The following EVPL variants were observed in gnomAD, a reference collection of about 807,000 sequenced individuals.
EVPL encodes the protein 210 kDa cornified envelope precursor protein.
In EVPL, 94 loss-of-function variants were observed where a neutral mutation model predicts 129.7. The observed-to-expected ratio is 0.72, with a 90% CI of 0.61 to 0.86. The LOEUF (loss-of-function observed/expected upper bound fraction) is 0.86, where lower values mean the gene tolerates loss of function less well. Ranked by LOEUF, EVPL falls within the 40% of genes least tolerant of loss-of-function variation. The probability of loss-of-function intolerance (pLI) is 0.00; values close to 1 mark genes in which losing one functional copy is unlikely to be tolerated. For missense variants in EVPL, 2,625 were observed against 2,721.1 expected (o/e 0.96, Z 0.79); for synonymous variants, 1,172 against 1,191.1 (o/e 0.98, Z 0.33).
In EVPL at chr17:76,018,359, G is replaced by C. The variant is rs1169015640; in HGVS notation, c.1439+87C>G. 2.0e-6 allele frequency: 3 copies of C among 1,521,816 alleles called. No homozygotes were observed. The African/African-American group carries it at 4.2e-5, about 21-fold the overall frequency. 94.3% of individuals were successfully genotyped at this position (1,521,816 alleles called of 1,614,324 possible). A position where few individuals can be genotyped will look rare whatever the true frequency, so the allele number is the denominator to read the frequency against. On this transcript the variant is annotated intron_variant, in intron 12 of 21. Transcript: ENST00000301607. ...TCAGGTGAAGGCCAGCCTTTGAGCA[G>C]GGGTCTGTTGGGCCATGGGCTTGGA... is the stretch of plus-strand genomic sequence containing the variant.
rs2066337582 is a variant in EVPL, at chr17:76,008,178, T to C, written c.5027A>G (p.Gln1676Arg). The change falls in exon 22 of 22, where the codon CAG becomes CGG. Residue 1676 changes from glutamine (Q) to arginine (R), a missense_variant. This residue lies in a region of EVPL where 1,453 missense variants were observed against 1,511.8 expected (regional missense o/e 0.96). Coordinates refer to ENST00000301607, the MANE Select transcript of EVPL (RefSeq NM_001988.4). This position sits in a 1 kb window ranked among gnomAD's most constrained non-coding sequence, Gnocchi z 7.4. ...VSREELSQET[Q>R]TRETNLSTKI... Reference sequence around the variant, plus strand: ...GGTGGAAAGGTTGGTCTCTCGCGTCTGGGTCTCCTGGCTGAGCTCCTCCCG... The same window carrying C: ...GGTGGAAAGGTTGGTCTCTCGCGTCCGGGTCTCCTGGCTGAGCTCCTCCCG... The C allele has an allele frequency of 1.2e-6, 2 of 1,614,212 alleles. No individual in the cohort carries two copies. Among genetic ancestry groups the C allele is most frequent in the Admixed American group, 1.7e-5 (1 of 60,038 alleles).
At chr17:76,023,166 T>C (rs1310072408) in intron 4 of EVPL, 126 bp downstream of exon 4, 14 of 1,493,604 alleles carry the variant, frequency 9.4e-6, no homozygotes, top group Admixed American at 3.7e-5. Context: ...TACTCTGCTG[T>C]CTCTCTGCCC....
intron 1 of EVPL, among the ~76,000 whole-genome samples, chr17:76,025,610 G>A (rs1243107417): frequency 6.6e-6 from 1 of 152,180 alleles, no homozygotes; most frequent in Non-Finnish European, 1.5e-5. Context: ...GCCCCAGGGA[G>A]GACAGGTCAC....
chr17:76,011,789 C>T lies in EVPL; in HGVS notation c.2551G>A (p.Glu851Lys). The T allele has an allele frequency of 6.2e-7, 1 of 1,612,498 alleles. No homozygotes were observed. Among genetic ancestry groups the T allele is most frequent in the Non-Finnish European group, 8.5e-7 (1 of 1,179,356 alleles). The change falls in exon 20 of 22, where the codon GAG becomes AAG. Residue 851 changes from glutamate (E) to lysine (K), a missense_variant. Physicochemically the swap from Glu to Lys is moderately conservative, Grantham distance 56. Transcript: ENST00000301607. Reference protein sequence around the residue: ...PKRPRVAPLQESIQAQEKNLA... With the variant: ...PKRPRVAPLQKSIQAQEKNLA... ...CATCTCACCTGGGCTTGGATGCTCT[C>T]TTGCAGGGGAGCCACTCGGGGTCTC...
rs986109735 is a variant in EVPL at position 76,018,330 on chromosome 17, A to T, written c.1440-72T>A. ...CTCCCTCCCCAGCCCCAGTAGACGC[A>T]GCTTCAGGTGAAGGCCAGCCTTTGA... is the stretch of plus-strand genomic sequence containing the variant. On this transcript the variant is annotated intron_variant, in intron 12 of 21. Coordinates refer to ENST00000301607, the MANE Select transcript of EVPL (RefSeq NM_001988.4). The T allele has an allele frequency of 2.6e-6, 4 of 1,516,432 alleles. No homozygotes were observed. In the South Asian group the frequency reaches 3.7e-5, roughly 14 times the overall value. The allele number at this position is 1,516,432 out of a possible 1,614,324, so 93.9% of individuals were successfully genotyped here. A position where few individuals can be genotyped will look rare whatever the true frequency, so the allele number is the denominator to read the frequency against.
At position 76,007,359 on chromosome 17, in the gene EVPL, C is replaced by T. The variant is rs199665042; in HGVS notation, c.5846G>A (p.Arg1949Lys). ...CTGCTGGATGGGGATGCGGCCTGTCCTCTTGGGGTCGATGAGCCCCCCGGT... is the reference window on the plus strand; with the variant it reads ...CTGCTGGATGGGGATGCGGCCTGTCTTCTTGGGGTCGATGAGCCCCCCGGT... ...HLTGGLIDPK[R>K]TGRIPIQQAL... Residue 1949 changes from arginine to lysine, a missense_variant, in exon 22 of 22, where the codon AGG becomes AAG. Physicochemically the swap from Arg to Lys is conservative, Grantham distance 26. Around this residue, in one of 4 missense-constraint regions of EVPL, gnomAD observed 1,453 missense variants for 1,511.8 expected, o/e 0.96. Transcript: ENST00000301607. The surrounding 1 kb of genome is among the most constrained non-coding windows in gnomAD (Gnocchi z 8.8). 3.1e-5 allele frequency: 50 copies of T among 1,591,192 alleles called. No homozygotes were observed. Among genetic ancestry groups the T allele is most frequent in the Non-Finnish European group, 3.9e-5 (45 of 1,165,032 alleles).
At chr17:76,019,478 G>A in intron 10 of EVPL, 50 bp downstream of exon 10, 1 of 1,518,362 alleles carries the variant, frequency 6.6e-7, no homozygotes, top group Non-Finnish European at 8.8e-7. Flanking sequence ...AAAATGGACA[G>A]GACCAATTCC....
chr17:76,018,281 G>A, intron 12 of EVPL, 23 bp from the exon 13 acceptor site: 1 of 1,526,140 alleles, frequency 6.6e-7, no homozygotes, highest in Non-Finnish European at 8.8e-7. Flanking sequence ...GGAGATTGAA[G>A]AAAGAGGTCC....
intron 18 of EVPL, among the ~76,000 whole-genome samples, chr17:76,012,795 A>T (rs1159050571): frequency 2.2e-5 from 3 of 135,762 alleles, no homozygotes; most frequent in South Asian, 2.2e-4. Flanking sequence ...CCCAGGCTGG[A>T]GTGCAGTGGC....
rs2066505688 is a variant in EVPL, at chr17:76,027,305, G to T, written c.-107C>A. On this transcript the variant is annotated 5_prime_UTR_variant, in exon 1 of 22. Transcript: ENST00000301607. ...CTCACTGGCTGGTCAGCTAAGTCTG[G>T]CGAGGTGGGGCGGCTGGGCACTGGG... 3 of 809,486 alleles carry T rather than the reference G, an allele frequency of 3.7e-6. No individual in the cohort carries two copies. The highest frequency in any genetic ancestry group is 4.2e-6 in the Non-Finnish European group (2 of 475,294). The allele number at this position is 809,486 out of a possible 1,614,324, so 50.1% of individuals were successfully genotyped here.
chr17:76,014,143 G>A (rs780121059), intron 18 of EVPL, among the ~76,000 whole-genome samples: 2 of 152,200 alleles, frequency 1.3e-5, no homozygotes, highest in Non-Finnish European at 1.5e-5. Context: ...TTGTACCCCA[G>A]TGAACACATT....
chr17:76,009,744 C>G lies in EVPL; in HGVS notation c.3461G>C (p.Arg1154Thr). Residue 1154 changes from arginine (R) to threonine (T), a missense_variant, in exon 22 of 22, where the codon AGG (arginine) becomes ACG (threonine). Arg to Thr is a moderately conservative substitution (Grantham distance 71). Coordinates refer to ENST00000301607, the MANE Select transcript of EVPL (RefSeq NM_001988.4). The surrounding 1 kb of genome is among the most constrained non-coding windows in gnomAD (Gnocchi z 5.9). Reference protein sequence around the residue: ...QDPGLLQESSRLRSLLEEERT... With the variant: ...QDPGLLQESSTLRSLLEEERT... ...CTCCTCCTCGAGGAGGCTCCTCAGC[C>G]TGGAGGACTCCTGGAGGAGCCCTGG... 6.2e-7 allele frequency: 1 copy of G among 1,613,808 alleles called. No individual in the cohort carries two copies. Among genetic ancestry groups the G allele is most frequent in the African/African-American group, 1.3e-5 (1 of 75,050 alleles).
At position 76,015,311 on chromosome 17, in the gene EVPL, G is replaced by C. The variant is rs745815726; in HGVS notation, c.1944C>G (p.Ile648Met). The C allele has an allele frequency of 3.1e-6, 5 of 1,603,242 alleles. No homozygotes were observed. In the Admixed American group the frequency reaches 8.4e-5, roughly 27 times the overall value. ...ERQIQDADRV[I>M]RGFEATLVQE... Reference sequence around the variant, plus strand: ...GCACCAGGGTGGCCTCGAAGCCTCGGATGACCCTGTCCGCATCCTGGATCT... The same window carrying C: ...GCACCAGGGTGGCCTCGAAGCCTCGCATGACCCTGTCCGCATCCTGGATCT... The change falls in exon 16 of 22, where the codon ATC (isoleucine) becomes ATG (methionine). Residue 648 changes from isoleucine (I) to methionine (M), a missense_variant. Physicochemically the swap from Ile to Met is conservative, Grantham distance 10. Around this residue, in one of 4 missense-constraint regions of EVPL, gnomAD observed 1,024 missense variants for 997.5 expected, o/e 1.03. Coordinates refer to ENST00000301607, the MANE Select transcript of EVPL (RefSeq NM_001988.4).
At position 76,022,000 on chromosome 17, in the gene EVPL, A is replaced by G; in HGVS notation, c.674T>C (p.Leu225Pro). The change falls in exon 7 of 22, where the codon CTG (leucine) becomes CCG (proline). Residue 225 changes from leucine (L) to proline (P), a missense_variant. Leu to Pro is a moderately conservative substitution (Grantham distance 98). Around this residue, in one of 4 missense-constraint regions of EVPL, gnomAD observed 1,024 missense variants for 997.5 expected, o/e 1.03. Coordinates refer to ENST00000301607, the MANE Select transcript of EVPL (RefSeq NM_001988.4). ...LKAASWRGQS[L>P]GSLYTHLQGC... ...CTGGAGGTGCGTGTACAGGCTGCCC[A>G]GGCTCTGCCCGCGCCACGACGCCGC... The G allele has an allele frequency of 1.9e-6, 3 of 1,564,890 alleles. No individual in the cohort carries two copies. The highest frequency in any genetic ancestry group is 2.6e-6 in the Non-Finnish European group (3 of 1,162,986).
rs1334413860 is a variant in EVPL, at chr17:76,018,520, C to T, written c.1365G>A (p.Gly455=). The T allele has an allele frequency of 1.2e-6, 2 of 1,612,730 alleles. No individual in the cohort carries two copies. Among genetic ancestry groups the T allele is most frequent in the South Asian group, 2.2e-5 (2 of 91,046 alleles). ...PHAWVVQGPG[G]ETKRAPAACF... ...AGGCGGCGGGAGCACGCTTGGTCTC[C>T]CCGCCAGGGCCCTGCACGACCCAGG... Residue 455 remains glycine (G), a synonymous_variant, in exon 12 of 22, where the codon GGG becomes GGA. Coordinates refer to ENST00000301607, the MANE Select transcript of EVPL (RefSeq NM_001988.4).
In EVPL at chr17:76,017,721, T is replaced by C; in HGVS notation, c.1710+18A>G. On this transcript the variant is annotated intron_variant, in intron 14 of 21. Coordinates refer to ENST00000301607, the MANE Select transcript of EVPL (RefSeq NM_001988.4). ...GGCCGCTTCTCATCCCAGCCGCCCC[T>C]TCCCGCTGCTCACCCACCTCATGGC... 6.2e-7 allele frequency: 1 copy of C among 1,606,026 alleles called. No homozygotes were observed. The highest frequency in any genetic ancestry group is 2.2e-5 in the East Asian group (1 of 44,764).
chr17:76,008,094 T>C lies in EVPL; in HGVS notation c.5111A>G (p.Lys1704Arg). 6.2e-7 allele frequency: 1 copy of C among 1,614,086 alleles called. No individual in the cohort carries two copies. The highest frequency in any genetic ancestry group is 8.5e-7 in the Non-Finnish European group (1 of 1,180,004). The change falls in exon 22 of 22, where the codon AAG becomes AGG. Residue 1704 changes from lysine (K) to arginine (R), a missense_variant. Around this residue, in one of 4 missense-constraint regions of EVPL, gnomAD observed 1,453 missense variants for 1,511.8 expected, o/e 0.96. Coordinates refer to ENST00000301607, the MANE Select transcript of EVPL (RefSeq NM_001988.4). The surrounding 1 kb of genome is among the most constrained non-coding windows in gnomAD (Gnocchi z 7.4). ...CTGGCCCCTGTCGATGATGCCCCTCTTGTAGGCCTCGTATGGGGACATGTC... is the reference window on the plus strand; with the variant it reads ...CTGGCCCCTGTCGATGATGCCCCTCCTGTAGGCCTCGTATGGGGACATGTC... ...GKDMSPYEAY[K>R]RGIIDRGQYL...
In EVPL at chr17:76,022,690, C is replaced by A; in HGVS notation, c.481-152G>T. ...CCGGGTGCATGCCCTGCAGCTCCCC[C>A]AGGGGCGAGGCCATTCTGCAGTGGC... is the stretch of plus-strand genomic sequence containing the variant. On this transcript the variant is annotated intron_variant, in intron 4 of 21. Coordinates refer to ENST00000301607, the MANE Select transcript of EVPL (RefSeq NM_001988.4). This position sits in a 1 kb window ranked among gnomAD's most constrained non-coding sequence, Gnocchi z 5.6. The A allele has an allele frequency of 1.8e-6, 2 of 1,088,492 alleles. No homozygotes were observed. Among genetic ancestry groups the A allele is most frequent in the Non-Finnish European group, 1.3e-6 (1 of 781,570 alleles). 67.4% of individuals were successfully genotyped at this position (1,088,492 alleles called of 1,614,324 possible).
chr17:76,021,989 A>G lies in EVPL; in HGVS notation c.685T>C (p.Tyr229His). Reference sequence around the variant, plus strand: ...CGCGTGCAGCCCTGGAGGTGCGTGTACAGGCTGCCCAGGCTCTGCCCGCGC... The same window carrying G: ...CGCGTGCAGCCCTGGAGGTGCGTGTGCAGGCTGCCCAGGCTCTGCCCGCGC... The part of the protein sequence containing the change: ...SWRGQSLGSL[Y>H]THLQGCTRQL... The change falls in exon 7 of 22, where the codon TAC becomes CAC. Residue 229 changes from tyrosine to histidine, a missense_variant. This residue lies in a region of EVPL where 1,024 missense variants were observed against 997.5 expected (regional missense o/e 1.03). Transcript: ENST00000301607. 1 of 1,567,400 alleles carries G rather than the reference A, an allele frequency of 6.4e-7. No homozygotes were observed. The highest frequency in any genetic ancestry group is 1.4e-5 in the African/African-American group (1 of 74,032).
Sources: allele counts gnomAD v4.1 joint callset (sites outside exome capture counted in the v4.1 genomes callset), GRCh38; gene constraint gnomAD v4.1.1; regional missense constraint gnomAD v4.1.1; non-coding constraint Gnocchi (gnomAD v3.1); transcripts MANE v1.5; gene names NCBI Gene and HGNC (gene_info 2026-07-23, HGNC 2026-07-21).